CFAP46: variants seen among roughly 807,000 people sequenced by gnomAD.
CFAP46 encodes the protein cilia- and flagella-associated protein 46.
A neutral mutation model predicts 325.7 loss-of-function variants in CFAP46; 245 were observed. The observed-to-expected ratio is 0.75, with a 90% CI of 0.68 to 0.84. CFAP46 has a LOEUF of 0.84. Among genes scored for constraint, CFAP46 ranks in the 40% least tolerant of loss-of-function variants. CFAP46 has a pLI of 0.00. For missense variants in CFAP46, 3,346 were observed against 3,543.0 expected (o/e 0.94, Z 1.41); for synonymous variants, 1,523 against 1,495.9 (o/e 1.02, Z -0.42).
intron 8 of CFAP46, among the ~76,000 whole-genome samples, chr10:132,933,964 C>T (rs1849952533): frequency 6.6e-6 from 1 of 152,204 alleles, no homozygotes; most frequent in Non-Finnish European, 1.5e-5. Flanking sequence ...TGCCCAGGTT[C>T]CCATCCCGCA....
rs965849207 is a variant in CFAP46, at chr10:132,860,485, C to T, written c.5130G>A (p.Lys1710=). The T allele has an allele frequency of 3.4e-5, 53 of 1,551,050 alleles. No individual in the cohort carries two copies. The highest frequency in any genetic ancestry group is 4.4e-5 in the Non-Finnish European group (51 of 1,147,128). The change falls in exon 37 of 58, where the codon AAG becomes AAA. Residue 1710 remains lysine, a synonymous_variant. Coordinates refer to ENST00000368586, the MANE Select transcript of CFAP46 (RefSeq NM_001200049.3). ...HIFQKLINAF[K]ILKKERPNRL... Reference sequence around the variant, plus strand: ...GGTTTGGTCTTTCTTTCTTGAGGATCTTGAAGGCATTGATGAGCTTCTGAA... The same window carrying T: ...GGTTTGGTCTTTCTTTCTTGAGGATTTTGAAGGCATTGATGAGCTTCTGAA...
At chr10:132,935,392 C>T (rs534370583) in intron 7 of CFAP46, among the ~76,000 whole-genome samples, 53 of 142,678 alleles carry the variant, frequency 3.7e-4, no homozygotes, top group African/African-American at 9.3e-4. Flanking sequence ...GATCTCCTCA[C>T]TCCCCTCAGC....
In CFAP46 at chr10:132,847,074, G is replaced by A. The variant is rs372515344; in HGVS notation, c.6125C>T (p.Ala2042Val). 83 of 1,612,242 alleles carry A rather than the reference G, an allele frequency of 5.1e-5. No homozygotes were observed. The highest frequency in any genetic ancestry group is 1.1e-4 in the East Asian group (5 of 44,870). The change falls in exon 43 of 58, where the codon GCG becomes GTG. Residue 2042 changes from alanine (A) to valine (V), a missense_variant. Coordinates refer to ENST00000368586, the MANE Select transcript of CFAP46 (RefSeq NM_001200049.3). This position sits in a 1 kb window ranked among gnomAD's most constrained non-coding sequence, Gnocchi z 5.2. Reference protein sequence around the residue: ...MVLAQQYLAQASEVLLQCLQV... With the variant: ...MVLAQQYLAQVSEVLLQCLQV... ...TAGGCACTGCAGCAGCACCTCTGAC[G>A]CCTGAGCCAGGTACTGCTGGGCCAG...
chr10:132,914,028 C>G (rs115213391), intron 17 of CFAP46, among the ~76,000 whole-genome samples: 4,954 of 148,706 alleles, frequency 0.033, 325 homozygotes, highest in African/African-American at 0.11. Flanking sequence ...CTGGCCCCCG[C>G]CCCGAGGCTG....
intron 46 of CFAP46, 47 bp from the exon 47 acceptor site, chr10:132,835,481 T>C: frequency 1.2e-6 from 2 of 1,610,582 alleles, no homozygotes; most frequent in Non-Finnish European, 1.7e-6. Context: ...GGGCTGAGGA[T>C]GGCAGCTGGA....
At chr10:132,916,717 G>A (rs2135576003) in intron 16 of CFAP46, 35 bp from the exon 17 acceptor site, 2 of 1,425,102 alleles carry the variant, frequency 1.4e-6, no homozygotes, top group Non-Finnish European at 1.8e-6. Flanking sequence ...GGGGTCATGG[G>A]CGGAGCACGG....
At chr10:132,838,319 A>G (rs1239074212) in intron 44 of CFAP46, among the ~76,000 whole-genome samples, 1 of 152,276 alleles carries the variant, frequency 6.6e-6, no homozygotes, top group East Asian at 1.9e-4. Flanking sequence ...TCAAGTTTGC[A>G]CAAACAAAGC....
At chr10:132,941,152 C>T in intron 3 of CFAP46, 92 bp from the exon 4 acceptor site, 3 of 1,248,072 alleles carry the variant, frequency 2.4e-6, no homozygotes, top group African/African-American at 1.5e-5. Flanking sequence ...CACGGTTGGC[C>T]TGGTACCCCC....
At position 132,939,294 on chromosome 10, in the gene CFAP46, C is replaced by G. The variant is rs1248902088; in HGVS notation, c.372-541G>C. On this transcript the variant is annotated intron_variant, in intron 4 of 57. Transcript: ENST00000368586. The surrounding 1 kb of genome is among the most constrained non-coding windows in gnomAD (Gnocchi z 4.6). ...GGAGGAACCTTTGGGAAACAAAGTT[C>G]CCGTCTGCCAGCATAGAGTGTGAAG... Among the ~76,000 whole-genome samples the G allele has an allele frequency of 6.6e-6, 1 of 152,194 alleles. No homozygotes were observed. Among genetic ancestry groups the G allele is most frequent in the Non-Finnish European group, 1.5e-5 (1 of 68,024 alleles).
rs1265116301 is a variant in CFAP46, at chr10:132,876,762, G to A, written c.4362+50C>T. ...ACTGGACTTGGGGACAGGTCAAGGG[G>A]ACACCATGCTGTGACCAAGGTCTTG... is the stretch of plus-strand genomic sequence containing the variant. On this transcript the variant is annotated intron_variant, in intron 31 of 57. Transcript: ENST00000368586. The surrounding 1 kb of genome is among the most constrained non-coding windows in gnomAD (Gnocchi z 4.1). The A allele has an allele frequency of 1.2e-5, 19 of 1,520,772 alleles. No homozygotes were observed. In the East Asian group the frequency reaches 3.2e-4, roughly 26 times the overall value. 94.2% of individuals were successfully genotyped at this position (1,520,772 alleles called of 1,614,324 possible). A position where few individuals can be genotyped will look rare whatever the true frequency, so the allele number is the denominator to read the frequency against.
At chr10:132,916,826 G>A (rs1204471480) in intron 16 of CFAP46, 144 bp from the exon 17 acceptor site, 69 of 1,207,844 alleles carry the variant, frequency 5.7e-5, no homozygotes, top group Middle Eastern at 2.4e-4. Flanking sequence ...CCCTTTGCAA[G>A]CTGGGCCTGC....
chr10:132,820,614 TGTGCTGATGTGTGCTGA>T (rs1847778683), intron 50 of CFAP46, among the ~76,000 whole-genome samples: 1 of 142,508 alleles, frequency 7.0e-6, no homozygotes, highest in Non-Finnish European at 1.5e-5. Flanking sequence ...GTGTGCTGTG[TGTGCTGATGTGTGCTGA>T]GTGCTGATGT....
At chr10:132,837,740 C>T (rs1202569101) in intron 44 of CFAP46, among the ~76,000 whole-genome samples, 1 of 145,560 alleles carries the variant, frequency 6.9e-6, no homozygotes, top group African/African-American at 2.7e-5. Context: ...TGCACACGTA[C>T]ACAGATGCGC....
rs1416368397 is a variant in CFAP46 at position 132,876,763 on chromosome 10, A to T, written c.4362+49T>A. ...CTGGACTTGGGGACAGGTCAAGGGG[A>T]CACCATGCTGTGACCAAGGTCTTGA... On this transcript the variant is annotated intron_variant, in intron 31 of 57. Transcript: ENST00000368586. The surrounding 1 kb of genome is among the most constrained non-coding windows in gnomAD (Gnocchi z 4.1). 4.6e-6 allele frequency: 7 copies of T among 1,522,372 alleles called. No homozygotes were observed. The highest frequency in any genetic ancestry group is 6.2e-6 in the Non-Finnish European group (7 of 1,132,946). 94.3% of individuals were successfully genotyped at this position (1,522,372 alleles called of 1,614,324 possible). A position where few individuals can be genotyped will look rare whatever the true frequency, so the allele number is the denominator to read the frequency against.
chr10:132,912,534 TC>T lies in CFAP46; in HGVS notation c.2499+120del, dbSNP rs1358767925. ...TCTCCTCTCTCTCTCTTCACCTCTC[TC>T]CTCTCCTCTCTCTCTCTCTTCACCT... is the stretch of plus-strand genomic sequence containing the variant. On this transcript the variant is annotated intron_variant, in intron 19 of 57. Transcript: ENST00000368586. 1.7e-5 allele frequency: 12 copies of T among 693,740 alleles called. No individual in the cohort carries two copies. In the East Asian group the frequency reaches 2.0e-4, roughly 12 times the overall value. The allele number at this position is 693,740 out of a possible 1,614,324, so 43.0% of individuals were successfully genotyped here.
chr10:132,880,183 A>G (rs1849018599), intron 28 of CFAP46, among the ~76,000 whole-genome samples: 1 of 152,158 alleles, frequency 6.6e-6, no homozygotes, highest in Non-Finnish European at 1.5e-5. Flanking sequence ...TCTTCACGGC[A>G]GGACTGCCGA....
chr10:132,929,891 G>T, intron 8 of CFAP46, 87 bp from the exon 9 acceptor site: 1 of 885,482 alleles, frequency 1.1e-6, no homozygotes, highest in Non-Finnish European at 1.8e-6. Flanking sequence ...CCCCGTTCAA[G>T]CAGAAGCAGG....
intron 28 of CFAP46, 117 bp from the exon 29 acceptor site, chr10:132,879,748 G>T: frequency 9.5e-7 from 1 of 1,048,420 alleles, no homozygotes; most frequent in Non-Finnish European, 1.3e-6. Flanking sequence ...GCGGACACCC[G>T]GTGCTCCACT....
In CFAP46 at chr10:132,827,059, C is replaced by T. The variant is rs1049025774; in HGVS notation, c.7117+6299G>A. Among the ~76,000 whole-genome samples, 4 of 152,280 alleles carry T rather than the reference C, an allele frequency of 2.6e-5. No homozygotes were observed. The highest frequency in any genetic ancestry group is 4.8e-5 in the African/African-American group (2 of 41,566). On this transcript the variant is annotated intron_variant, in intron 50 of 57. Coordinates refer to ENST00000368586, the MANE Select transcript of CFAP46 (RefSeq NM_001200049.3). The surrounding 1 kb of genome is among the most constrained non-coding windows in gnomAD (Gnocchi z 5.7). ...CGGTTTCCGACACCTCCATGAGCCT[C>T]GTGTCTGTGCCAACCGACTCCAGCT...
Sources: gnomAD v4.1 joint callset for allele counts (sites outside exome capture counted in the v4.1 genomes callset) on GRCh38, gnomAD v4.1.1 for gene constraint, Gnocchi (gnomAD v3.1) non-coding constraint, MANE v1.5 for transcripts, NCBI Gene and HGNC (gene_info 2026-07-23, HGNC 2026-07-21) for gene names.